Variants in SLC24A2 observed in about 807,000 individuals in gnomAD.
SLC24A2 encodes the protein solute carrier family 24 member 2.
Under a neutral mutation model 62.0 loss-of-function variants are expected in SLC24A2, and 36 were observed. The observed-to-expected ratio is 0.58, with a 90% CI of 0.44 to 0.77. The LOEUF (loss-of-function observed/expected upper bound fraction) is 0.77. SLC24A2 is among the 30% of genes least tolerant of loss of function. SLC24A2 has a pLI of 0.00. For synonymous variants in SLC24A2, 358 were observed against 294.0 expected (o/e 1.22, Z -2.23); for missense variants, 846 against 817.9 (o/e 1.03, Z -0.42).
the SLC24A2 span, among the ~76,000 whole-genome samples, chr9:19,829,707 T>C: frequency 6.6e-6 from 1 of 150,524 alleles, no homozygotes; most frequent in Non-Finnish European, 1.5e-5. Flanking sequence ...CCAGGCTGGA[T>C]GACAGAATGA....
At chr9:19,850,022 C>CTTTTT in the SLC24A2 span, among the ~76,000 whole-genome samples, 1 of 144,620 alleles carries the variant, frequency 6.9e-6, no homozygotes, top group Non-Finnish European at 1.5e-5. Context: ...ATAAAAACTG[C>CTTTTT]TTTTTTTTTT....
At chr9:20,254,571 C>G in the SLC24A2 span, among the ~76,000 whole-genome samples, 1 of 152,152 alleles carries the variant, frequency 6.6e-6, no homozygotes, top group Non-Finnish European at 1.5e-5. Flanking sequence ...TATTAATCTG[C>G]TTCAGGTGGT....
chr9:20,050,935 AG>A, the SLC24A2 span, among the ~76,000 whole-genome samples: 1 of 152,208 alleles, frequency 6.6e-6, no homozygotes, highest in Admixed American at 6.5e-5. Context: ...GAAGAAAACT[AG>A]AAAAAAAGTT....
intron 4 of SLC24A2, among the ~76,000 whole-genome samples, chr9:19,607,830 C>T (rs1022448535): frequency 6.6e-6 from 1 of 151,826 alleles, no homozygotes; most frequent in Non-Finnish European, 1.5e-5. Context: ...TTTTCTCATA[C>T]TCAAAAGCAG....
chr9:19,814,642 T>A, the SLC24A2 span, among the ~76,000 whole-genome samples: 123,670 of 151,578 alleles, frequency 0.82, 51,661 homozygotes, highest in Non-Finnish European at 0.92. Flanking sequence ...ATCTGCATGA[T>A]GAACCAGTCT....
intron 2 of SLC24A2, among the ~76,000 whole-genome samples, chr9:19,739,423 A>G (rs1378439180): frequency 1.3e-5 from 2 of 152,238 alleles, no homozygotes; most frequent in Non-Finnish European, 2.9e-5. Context: ...TCAGTAATGT[A>G]TACCATCAGA....
At chr9:19,778,634 T>TA (rs1244850623) in intron 2 of SLC24A2, among the ~76,000 whole-genome samples, 1 of 152,054 alleles carries the variant, frequency 6.6e-6, no homozygotes, top group African/African-American at 2.4e-5. Flanking sequence ...ACCTGGGTAG[T>TA]AAAAAAGTCA....
the SLC24A2 span, among the ~76,000 whole-genome samples, chr9:20,202,128 C>G: frequency 2.0e-5 from 3 of 151,228 alleles, no homozygotes; most frequent in African/African-American, 7.3e-5. Context: ...ATGGAACACT[C>G]AGATGCCCGC....
At chr9:19,920,935 T>A in the SLC24A2 span, among the ~76,000 whole-genome samples, 30,558 of 152,056 alleles carry the variant, frequency 0.2, 3,545 homozygotes, top group East Asian at 0.41. Context: ...ATTTAATCTC[T>A]TGGCACTCAG....
chr9:19,577,312 C>G (rs1836048405), intron 5 of SLC24A2, among the ~76,000 whole-genome samples: 1 of 70,502 alleles, frequency 1.4e-5, no homozygotes, highest in African/African-American at 3.8e-5. Context: ...CAAAACAGGT[C>G]TAGAGAAACA....
At chr9:19,666,783 G>A (rs986167202) in intron 2 of SLC24A2, among the ~76,000 whole-genome samples, 8 of 151,992 alleles carry the variant, frequency 5.3e-5, no homozygotes, top group Admixed American at 6.6e-5. Context: ...CTTTCCCTGA[G>A]GTTATAGTAC....
chr9:20,121,681 T>C, the SLC24A2 span, among the ~76,000 whole-genome samples: 3 of 152,288 alleles, frequency 2.0e-5, no homozygotes, highest in African/African-American at 2.4e-5. Flanking sequence ...TCAATCCTCA[T>C]TGCACATTAG....
chr9:19,629,359 T>G (rs1818119144), intron 2 of SLC24A2, among the ~76,000 whole-genome samples: 1 of 152,112 alleles, frequency 6.6e-6, no homozygotes, highest in South Asian at 2.1e-4. Flanking sequence ...CCAATGGAGG[T>G]GAGAAAATAG....
intron 7 of SLC24A2, among the ~76,000 whole-genome samples, chr9:19,565,405 C>A (rs957760844): frequency 2.7e-5 from 4 of 150,642 alleles, no homozygotes; most frequent in East Asian, 3.9e-4. Flanking sequence ...ATCCAACTTA[C>A]AAGGGATGTG....
At chr9:19,833,151 G>A in the SLC24A2 span, among the ~76,000 whole-genome samples, 7 of 152,160 alleles carry the variant, frequency 4.6e-5, no homozygotes, top group East Asian at 9.6e-4. Context: ...CAGCATGAGC[G>A]ATGCAGAAAA....
the SLC24A2 span, among the ~76,000 whole-genome samples, chr9:20,131,182 A>G: frequency 6.6e-6 from 1 of 152,108 alleles, no homozygotes; most frequent in Non-Finnish European, 1.5e-5. Flanking sequence ...AAGGAGAGCA[A>G]AGACTCTTAG....
chr9:20,271,401 C>G, the SLC24A2 span, among the ~76,000 whole-genome samples: 34 of 152,334 alleles, frequency 2.2e-4, no homozygotes, highest in African/African-American at 7.7e-4. Flanking sequence ...TATTCATCCT[C>G]TGCTGCTGGG....
chr9:19,789,465 C>T (rs1319680387), upstream of SLC24A2, among the ~76,000 whole-genome samples: 1 of 152,182 alleles, frequency 6.6e-6, no homozygotes, highest in Non-Finnish European at 1.5e-5. Flanking sequence ...GCAGGACAGG[C>T]TGTTGGGGTC....
At chr9:20,182,327 C>T in the SLC24A2 span, among the ~76,000 whole-genome samples, 1 of 152,218 alleles carries the variant, frequency 6.6e-6, no homozygotes, top group Admixed American at 6.5e-5. Context: ...TATAAAGACA[C>T]ATGCACACCT....
Sources: allele counts gnomAD v4.1 joint callset (sites outside exome capture counted in the v4.1 genomes callset), GRCh38; gene constraint gnomAD v4.1.1; transcripts MANE v1.5; gene names NCBI Gene and HGNC (gene_info 2026-07-23, HGNC 2026-07-21).